Variants in GPHN observed in about 807,000 individuals in gnomAD.
GPHN encodes the protein gephyrin.
In GPHN, 17 loss-of-function variants were observed where a neutral mutation model predicts 95.5. The observed-to-expected ratio is 0.18, with a 90% confidence interval of 0.12 to 0.27. The LOEUF (loss-of-function observed/expected upper bound fraction) is 0.27, where lower values mean the gene tolerates loss of function less well. GPHN is among the 10% of genes least tolerant of loss of function. The pLI is 1.00. For missense variants in GPHN, 660 were observed against 978.1 expected (o/e 0.67, Z 4.34); for synonymous variants, 320 against 322.5 (o/e 0.99, Z 0.08).
rs34446302 is a variant in GPHN, at chr14:67,138,887, C to CTTT, written c.1749-4448_1749-4446dup. 1.2e-3 allele frequency among the ~76,000 whole-genome samples: 111 copies of CTTT among 94,686 alleles called. 4 individuals are homozygous for CTTT. The highest frequency in any genetic ancestry group is 8.8e-3 in the East Asian group (22 of 2,496). 62.1% of individuals were successfully genotyped at this position (94,686 alleles called of 152,430 possible). On this transcript the variant is annotated intron_variant, in intron 17 of 22. Coordinates refer to ENST00000478722, the MANE Select transcript of GPHN (RefSeq NM_020806.5). ...ATACCTCTTGCCACAGCATCCTCTC[C>CTTT]TTTTTTTTTTTTTTTTTTTTTTTTT...
intron 2 of GPHN, among the ~76,000 whole-genome samples, chr14:66,723,278 GTTTATAAC>G (rs972881236): frequency 6.9e-5 from 9 of 131,018 alleles, no homozygotes; most frequent in African/African-American, 3.6e-4. Flanking sequence ...ATTTATAAAA[GTTTATAAC>G]TTTATAAATA....
chr14:67,068,594 C>T (rs1034701268), intron 11 of GPHN, among the ~76,000 whole-genome samples: 1 of 151,838 alleles, frequency 6.6e-6, no homozygotes. Context: ...AAACTATGAG[C>T]TTTTTTTTAA....
intron 2 of GPHN, among the ~76,000 whole-genome samples, chr14:66,754,962 G>C (rs1042378944): frequency 1.3e-5 from 2 of 151,958 alleles, no homozygotes. Flanking sequence ...ATCTTACAAT[G>C]CTGTATGATG....
the GPHN span, among the ~76,000 whole-genome samples, chr14:67,723,483 C>T: frequency 9.2e-5 from 14 of 152,314 alleles, no homozygotes; most frequent in African/African-American, 2.9e-4. Context: ...GACCATCCCA[C>T]GTTGGCCTCC....
At chr14:67,531,140 G>A in the GPHN span, among the ~76,000 whole-genome samples, 1 of 151,840 alleles carries the variant, frequency 6.6e-6, no homozygotes. Context: ...AGGGGCTCTA[G>A]GGGTGATGGT....
At chr14:67,578,703 G>C in the GPHN span, 1 of 983,938 alleles carries the variant, frequency 1.0e-6, no homozygotes, top group Non-Finnish European at 1.6e-6. This position sits in a 1 kb window ranked among gnomAD's most constrained non-coding sequence, Gnocchi z 5.0. Context: ...GGGATGAGAG[G>C]AGTCTAGGGC....
intron 9 of GPHN, among the ~76,000 whole-genome samples, chr14:67,011,573 C>CAAAAA (rs201978777): frequency 3.8e-4 from 24 of 63,072 alleles, no homozygotes; most frequent in African/African-American, 9.5e-4. Flanking sequence ...GACCTTGCCT[C>CAAAAA]AAAAAAAAAA....
intron 1 of GPHN, among the ~76,000 whole-genome samples, chr14:66,661,190 C>A (rs569359842): frequency 5.1e-4 from 78 of 152,308 alleles, no homozygotes; most frequent in African/African-American, 1.6e-3. Context: ...CACAGCTTCT[C>A]ACAGGATAAG....
chr14:66,970,237 G>T (rs1044086929), intron 9 of GPHN, among the ~76,000 whole-genome samples: 1 of 151,996 alleles, frequency 6.6e-6, no homozygotes, highest in Non-Finnish European at 1.5e-5. Context: ...ATCCACTAAT[G>T]TCTAATACTA....
chr14:66,856,523 A>G (rs1311776605), intron 4 of GPHN, among the ~76,000 whole-genome samples: 1 of 152,088 alleles, frequency 6.6e-6, no homozygotes, highest in Non-Finnish European at 1.5e-5. Flanking sequence ...TTATGAGTTC[A>G]ATTAAAACTT....
chr14:67,395,488 C>T, the GPHN span: 3 of 1,614,066 alleles, frequency 1.9e-6, no homozygotes, highest in Admixed American at 5.0e-5. Context: ...CATGAATAGC[C>T]CCGGTGATCT....
At chr14:66,969,139 G>A (rs953261420) in intron 9 of GPHN, 12 of 151,898 alleles carry the variant, frequency 7.9e-5, no homozygotes, top group African/African-American at 2.2e-4. Context: ...AAATTATATC[G>A]TATATAGGGA....
chr14:67,324,117 G>A, the GPHN span, among the ~76,000 whole-genome samples: 3 of 152,096 alleles, frequency 2.0e-5, no homozygotes, highest in African/African-American at 7.2e-5. Flanking sequence ...ACTTTTCTCT[G>A]TAGATACTCC....
the GPHN span, among the ~76,000 whole-genome samples, chr14:67,215,705 T>A: frequency 4.6e-5 from 7 of 152,294 alleles, no homozygotes; most frequent in East Asian, 1.3e-3. Flanking sequence ...TAAGGTTTAT[T>A]TAAAAAAACA....
chr14:67,215,460 A>G, the GPHN span, among the ~76,000 whole-genome samples: 1 of 152,004 alleles, frequency 6.6e-6, no homozygotes, highest in Non-Finnish European at 1.5e-5. Context: ...AAACAATGAC[A>G]GAAGGGCAAC....
At chr14:67,684,295 G>C in the GPHN span, among the ~76,000 whole-genome samples, 1 of 152,024 alleles carries the variant, frequency 6.6e-6, no homozygotes, top group African/African-American at 2.4e-5. Context: ...CTGAAGTAGA[G>C]GTAAAAACAT....
At chr14:66,770,671 C>T (rs1238757004) in intron 2 of GPHN, among the ~76,000 whole-genome samples, 11 of 152,058 alleles carry the variant, frequency 7.2e-5, no homozygotes, top group Admixed American at 7.2e-4. Context: ...CACTGATATT[C>T]CAAAAATATT....
chr14:67,581,945 G>A, the GPHN span: 2 of 920,246 alleles, frequency 2.2e-6, no homozygotes, highest in Non-Finnish European at 3.3e-6. Flanking sequence ...ATACAAAATA[G>A]GCTCATAAAT....
At chr14:67,579,390 G>C in the GPHN span, 1 of 1,197,214 alleles carries the variant, frequency 8.4e-7, no homozygotes, top group Non-Finnish European at 1.1e-6. Flanking sequence ...TTAGGCTCAG[G>C]CTTGGCAGAT....
Sources: allele counts gnomAD v4.1 joint callset (sites outside exome capture counted in the v4.1 genomes callset), GRCh38; gene constraint gnomAD v4.1.1; non-coding constraint Gnocchi (gnomAD v3.1); transcripts MANE v1.5; gene names NCBI Gene and HGNC (gene_info 2026-07-23, HGNC 2026-07-21).